The following AHNAK variants were observed in gnomAD, a reference collection of about 807,000 sequenced individuals.
AHNAK encodes the protein neuroblast differentiation-associated protein AHNAK.
A neutral mutation model predicts 37.8 loss-of-function variants in AHNAK; 23 were observed. The observed-to-expected ratio is 0.61, with a 90% confidence interval of 0.44 to 0.86. AHNAK has a LOEUF of 0.86. AHNAK is among the 40% of genes least tolerant of loss of function. AHNAK has a pLI of 0.00. For synonymous variants in AHNAK, 2,481 were observed against 2,636.3 expected (o/e 0.94, Z 1.80); for missense variants, 7,411 against 7,319.4 (o/e 1.01, Z -0.46).
intron 5 of AHNAK, chr11:62,491,683 T>C (rs1939506240): frequency 1.3e-6 from 2 of 1,513,838 alleles, no homozygotes; most frequent in South Asian, 1.2e-5. Flanking sequence ...AAGGGTATCA[T>C]TATCATAATC....
chr11:62,518,200 A>C lies in AHNAK; in HGVS notation c.16217T>G (p.Met5406Arg). Residue 5406 changes from methionine to arginine, a missense_variant, in exon 5 of 5, where the codon ATG becomes AGG. By Grantham distance (91) the Met-to-Arg change is moderately conservative. Coordinates refer to ENST00000378024, the MANE Select transcript of AHNAK (RefSeq NM_001620.3). ...ASEGSIKLPK[M>R]KLPQFGISTP... ...AGAGATGCCAAATTGGGGCAGCTTC[A>C]TTTTGGGAAGTTTAATGCTGCCTTC... 1 of 1,614,108 alleles carries C rather than the reference A, an allele frequency of 6.2e-7. No homozygotes were observed. Among genetic ancestry groups the C allele is most frequent in the Non-Finnish European group, 8.5e-7 (1 of 1,180,020 alleles).
Position 62,521,435 on chromosome 11 carries a change from C to T in AHNAK, c.12982G>A (p.Gly4328Arg), listed in dbSNP as rs376487352. ...KVKMPKFSMP[G>R]FKGEGPDVDV... Reference sequence around the variant, plus strand: ...ACATCTGGGCCCTCTCCTTTGAATCCTGGCATGCTGAATTTGGGCATTTTC... The same window carrying T: ...ACATCTGGGCCCTCTCCTTTGAATCTTGGCATGCTGAATTTGGGCATTTTC... The change falls in exon 5 of 5, where the codon GGA becomes AGA. Residue 4328 changes from glycine (G) to arginine (R), a missense_variant. Physicochemically the swap from Gly to Arg is moderately radical, Grantham distance 125. Coordinates refer to ENST00000378024, the MANE Select transcript of AHNAK (RefSeq NM_001620.3). The T allele has an allele frequency of 1.2e-6, 2 of 1,613,626 alleles. No individual in the cohort carries two copies. The highest frequency in any genetic ancestry group is 2.7e-5 in the African/African-American group (2 of 74,750).
chr11:62,533,145 C>T lies in AHNAK; in HGVS notation c.1272G>A (p.Gly424=), dbSNP rs749441649. ...EVQAPDIDVQ[G]PGSKLNVPKM... ...TGGGCACATTCAGTTTGCTCCCAGG[C>T]CCCTGAACATCAATGTCAGGGGCCT... Residue 424 remains glycine, a synonymous_variant, in exon 5 of 5, where the codon GGG becomes GGA. Transcript: ENST00000378024. 4.5e-6 allele frequency: 7 copies of T among 1,546,808 alleles called. No homozygotes were observed. In the Admixed American group the frequency reaches 1.5e-4, roughly 33 times the overall value.
chr11:62,450,986 A>ACTT (rs1555019126), intron 5 of AHNAK, among the ~76,000 whole-genome samples: 11 of 151,692 alleles, frequency 7.3e-5, no homozygotes, highest in Admixed American at 1.3e-4. Context: ...CGGGAGGAGA[A>ACTT]GAGATGAGAC....
chr11:62,442,607 A>C (rs1212320317), intron 5 of AHNAK, among the ~76,000 whole-genome samples: 1 of 152,012 alleles, frequency 6.6e-6, no homozygotes, highest in African/African-American at 2.4e-5. Context: ...GCAGTGGCTC[A>C]CGCGTGTAAT....
rs199951023 is a variant in AHNAK, at chr11:62,524,018, C to T, written c.10399G>A (p.Gly3467Ser). The change falls in exon 5 of 5, where the codon GGT becomes AGT. Residue 3467 changes from glycine to serine, a missense_variant. By Grantham distance (56) the Gly-to-Ser change is moderately conservative. Transcript: ENST00000378024. ...NLNAPDVDVHGPDWNLKMPKM... is the reference protein window; with the variant it reads ...NLNAPDVDVHSPDWNLKMPKM... ...GGCATTTTCAGATTCCAGTCTGGAC[C>T]ATGAACATCCACATCAGGTGCATTA... 1 of 1,614,150 alleles carries T rather than the reference C, an allele frequency of 6.2e-7. No homozygotes were observed. Among genetic ancestry groups the T allele is most frequent in the Non-Finnish European group, 8.5e-7 (1 of 1,180,032 alleles).
At chr11:62,479,975 C>T (rs1255391824) in intron 5 of AHNAK, among the ~76,000 whole-genome samples, 1 of 152,172 alleles carries the variant, frequency 6.6e-6, no homozygotes, top group Non-Finnish European at 1.5e-5. Flanking sequence ...AGATGAGGTC[C>T]CAGTGCTCCT....
intron 5 of AHNAK, among the ~76,000 whole-genome samples, chr11:62,444,671 A>G (rs1474306240): frequency 6.6e-6 from 1 of 152,094 alleles, no homozygotes; most frequent in Admixed American, 6.5e-5. Flanking sequence ...GTCACATCTG[A>G]CGCCCCTTTC....
rs1940026322 is a variant in AHNAK, at chr11:62,516,649, T to A, written c.*95A>T. On this transcript the variant is annotated 3_prime_UTR_variant, in exon 5 of 5. Coordinates refer to ENST00000378024, the MANE Select transcript of AHNAK (RefSeq NM_001620.3). ...GGTCTTTGCATGATTGCTGAGGCAG[T>A]CGGTGTGTTTCCCTTTGGAGTTTAT... is the stretch of plus-strand genomic sequence containing the variant. The A allele has an allele frequency of 6.6e-7, 1 of 1,506,748 alleles. No homozygotes were observed. Among genetic ancestry groups the A allele is most frequent in the African/African-American group, 1.4e-5 (1 of 71,634 alleles). 93.3% of individuals were successfully genotyped at this position (1,506,748 alleles called of 1,614,324 possible).
In AHNAK at chr11:62,523,797, A is replaced by C; in HGVS notation, c.10620T>G (p.Ala3540=). 1 of 1,613,560 alleles carries C rather than the reference A, an allele frequency of 6.2e-7. No homozygotes were observed. Among genetic ancestry groups the C allele is most frequent in the Non-Finnish European group, 8.5e-7 (1 of 1,179,854 alleles). Residue 3540 remains alanine, a synonymous_variant, in exon 5 of 5, where the codon GCT becomes GCG. Transcript: ENST00000378024. ...CAATGTCAGGCATGGAGATCTTGGGAGCTTTGATATTCATGTCAGGCATCT... is the reference window on the plus strand; with the variant it reads ...CAATGTCAGGCATGGAGATCTTGGGCGCTTTGATATTCATGTCAGGCATCT... ...KFKMPDMNIK[A]PKISMPDIDL...
At position 62,523,509 on chromosome 11, in the gene AHNAK, G is replaced by C. The variant is rs1940350425; in HGVS notation, c.10908C>G (p.Pro3636=). ...CGTCTGGAACATCAACGTCTACATT[G>C]GGACCAGAAATGTCAATGTCAGCTT... ...LPKADIDISG[P]NVDVDVPDVN... The change falls in exon 5 of 5, where the codon CCC becomes CCG. Residue 3636 remains proline, a synonymous_variant. Coordinates refer to ENST00000378024, the MANE Select transcript of AHNAK (RefSeq NM_001620.3). 6.2e-7 allele frequency: 1 copy of C among 1,613,702 alleles called. No individual in the cohort carries two copies. The highest frequency in any genetic ancestry group is 1.1e-5 in the South Asian group (1 of 91,064).
chr11:62,477,189 C>A (rs1939165987), intron 5 of AHNAK, among the ~76,000 whole-genome samples: 2 of 152,102 alleles, frequency 1.3e-5, no homozygotes, highest in African/African-American at 4.8e-5. Flanking sequence ...TCGTCGAATC[C>A]CGAAGCATGG....
rs1940673737 is a variant in AHNAK, at chr11:62,530,097, C to T, written c.4320G>A (p.Lys1440=). The change falls in exon 5 of 5, where the codon AAG becomes AAA. Residue 1440 remains lysine (K), a synonymous_variant. Transcript: ENST00000378024. ...PDAKLKGPKF[K]MPEMSIKPQK... is the part of the protein sequence containing the mutation. ...GAGGCTTTATACTCATTTCTGGCAT[C>T]TTGAATTTGGGACCTTTTAGTTTTG... The T allele has an allele frequency of 6.2e-7, 1 of 1,613,956 alleles. No individual in the cohort carries two copies. Among genetic ancestry groups the T allele is most frequent in the African/African-American group, 1.3e-5 (1 of 74,918 alleles).
Position 62,534,999 on chromosome 11 carries a change from T to C in AHNAK, c.342+4A>G. On this transcript the variant is annotated splice_donor_region_variant and intron_variant, in intron 4 of 4. Coordinates refer to ENST00000378024, the MANE Select transcript of AHNAK (RefSeq NM_001620.3). ...GGGCACAGATGGGCCGGCGAGGTAC[T>C]CACCAGAACCACTTCAGAGCTGCAG... 6.2e-7 allele frequency: 1 copy of C among 1,601,334 alleles called. No homozygotes were observed. Among genetic ancestry groups the C allele is most frequent in the Non-Finnish European group, 8.5e-7 (1 of 1,170,142 alleles).
At chr11:62,448,965 G>A (rs1393407690) in intron 5 of AHNAK, among the ~76,000 whole-genome samples, 1 of 152,170 alleles carries the variant, frequency 6.6e-6, no homozygotes, top group Non-Finnish European at 1.5e-5. Context: ...CTACTCGGGA[G>A]GCTGAGGCAG....
intron 5 of AHNAK, chr11:62,491,616 G>T: frequency 1.0e-6 from 1 of 978,330 alleles, no homozygotes; most frequent in Non-Finnish European, 1.5e-6. Context: ...GGGGTCCTGA[G>T]CCATATCCTT....
In AHNAK at chr11:62,523,732, T is replaced by C; in HGVS notation, c.10685A>G (p.Asp3562Gly). The C allele has an allele frequency of 6.2e-7, 1 of 1,612,920 alleles. No homozygotes were observed. The highest frequency in any genetic ancestry group is 8.5e-7 in the Non-Finnish European group (1 of 1,179,742). ...CCCTTCAAGTTTGGGAAGAGAAATA[T>C]CCACATCACCTTTCACCTTGGGGCC... ...LKGPKVKGDV[D>G]ISLPKLEGDL... is the part of the protein sequence containing the mutation. Residue 3562 changes from aspartate (D) to glycine (G), a missense_variant, in exon 5 of 5, where the codon GAT (aspartate) becomes GGT (glycine). By Grantham distance (94) the Asp-to-Gly change is moderately conservative. Coordinates refer to ENST00000378024, the MANE Select transcript of AHNAK (RefSeq NM_001620.3).
Position 62,522,376 on chromosome 11 carries a change from T to G in AHNAK, c.12041A>C (p.Lys4014Thr). ...PDFDLHLKGP[K>T]VKGDVDVSLP... ...AGAAACATCCACATCTCCTTTCACC[T>G]TAGGGCCTTTCAGATGCAAATCAAA... The change falls in exon 5 of 5, where the codon AAG (lysine) becomes ACG (threonine). Residue 4014 changes from lysine (K) to threonine (T), a missense_variant. Coordinates refer to ENST00000378024, the MANE Select transcript of AHNAK (RefSeq NM_001620.3). 6.2e-7 allele frequency: 1 copy of G among 1,614,078 alleles called. No homozygotes were observed. Among genetic ancestry groups the G allele is most frequent in the East Asian group, 2.2e-5 (1 of 44,882 alleles).
chr11:62,457,210 G>A (rs1432618349), intron 5 of AHNAK, among the ~76,000 whole-genome samples: 1 of 152,116 alleles, frequency 6.6e-6, no homozygotes, highest in African/African-American at 2.4e-5. Flanking sequence ...CACTTTGGGA[G>A]GCTGAGGCAG....
Sources: gnomAD v4.1 joint callset for allele counts (sites outside exome capture counted in the v4.1 genomes callset) on GRCh38, gnomAD v4.1.1 for gene constraint, MANE v1.5 for transcripts, NCBI Gene and HGNC (gene_info 2026-07-23, HGNC 2026-07-21) for gene names.